TMEM132C: variants seen among roughly 807,000 people sequenced by gnomAD.
TMEM132C encodes protein phosphatase 1, regulatory subunit 152.
A neutral mutation model predicts 61.4 loss-of-function variants in TMEM132C; 29 were observed. That is an observed-to-expected ratio of 0.47 (90% CI 0.35 to 0.64). TMEM132C has a LOEUF of 0.64. Ranked by LOEUF, TMEM132C falls within the 30% of genes least tolerant of loss-of-function variation. The pLI, the probability that TMEM132C is intolerant of heterozygous loss-of-function variation, is 0.00. For synonymous variants in TMEM132C, 656 were observed against 633.1 expected, an observed-to-expected ratio of 1.04 and a Z score of -0.54; for missense variants, 1,408 against 1,476.9, an observed-to-expected ratio of 0.95 and a Z score of 0.76.
Position 128,705,708 on chromosome 12 carries a change from G to A in TMEM132C, c.2740G>A (p.Val914Met), listed in dbSNP as rs1358128061. 6.4e-7 allele frequency: 1 copy of A among 1,551,340 alleles called. No individual in the cohort carries two copies. The highest frequency in any genetic ancestry group is 8.7e-7 in the Non-Finnish European group (1 of 1,146,970). ...GAGTGGGCTGGAGGAAAACGACCTGGTGCAGACTCCGCGGGGCCTGAGTGA... is the reference window on the plus strand; with the variant it reads ...GAGTGGGCTGGAGGAAAACGACCTGATGCAGACTCCGCGGGGCCTGAGTGA... ...AGSGLEENDL[V>M]QTPRGLSDLE... The change falls in exon 9 of 9, where the codon GTG (valine) becomes ATG (methionine). Residue 914 changes from valine to methionine, a missense_variant. By Grantham distance (21) the Val-to-Met change is conservative. Transcript: ENST00000435159.
intron 1 of TMEM132C, among the ~76,000 whole-genome samples, chr12:128,360,297 A>G (rs904213739): frequency 6.6e-6 from 1 of 152,002 alleles, no homozygotes; most frequent in Non-Finnish European, 1.5e-5. Context: ...GATAACAGAG[A>G]GAGAACAATA....
At chr12:128,475,878 C>T (rs972453714) in intron 2 of TMEM132C, among the ~76,000 whole-genome samples, 1 of 152,124 alleles carries the variant, frequency 6.6e-6, no homozygotes, top group African/African-American at 2.4e-5. Flanking sequence ...CTGCCCAGGA[C>T]CCCACAGCTA....
intron 1 of TMEM132C, among the ~76,000 whole-genome samples, chr12:128,305,052 C>G (rs543019331): frequency 6.6e-6 from 1 of 152,150 alleles, no homozygotes; most frequent in Non-Finnish European, 1.5e-5. Context: ...GGGCTACTCT[C>G]ATCCCTTCTT....
chr12:128,652,861 G>T (rs907164313), intron 4 of TMEM132C, among the ~76,000 whole-genome samples: 1 of 152,184 alleles, frequency 6.6e-6, no homozygotes, highest in African/African-American at 2.4e-5. Flanking sequence ...AAGATAATTC[G>T]CCTTGGGGAA....
chr12:128,428,274 A>C (rs955933201), intron 2 of TMEM132C, among the ~76,000 whole-genome samples: 4 of 152,000 alleles, frequency 2.6e-5, no homozygotes, highest in Admixed American at 2.0e-4. Flanking sequence ...TTCAGGTACA[A>C]ATGCATCAGG....
chr12:128,544,790 G>A (rs1300825227), intron 3 of TMEM132C, among the ~76,000 whole-genome samples: 4 of 152,118 alleles, frequency 2.6e-5, no homozygotes, highest in Non-Finnish European at 5.9e-5. Flanking sequence ...CATCAAATAC[G>A]TACAGATTTT....
intron 1 of TMEM132C, among the ~76,000 whole-genome samples, chr12:128,295,350 T>A (rs539699992): frequency 1.3e-5 from 2 of 152,156 alleles, no homozygotes; most frequent in Non-Finnish European, 2.9e-5. Context: ...AAATAAATAT[T>A]TGGTATAGCT....
intron 1 of TMEM132C, among the ~76,000 whole-genome samples, chr12:128,372,230 T>C (rs1312268970): frequency 1.3e-5 from 2 of 152,244 alleles, no homozygotes; most frequent in Admixed American, 6.5e-5. Context: ...TAGCCATTGC[T>C]GAATCTTAGC....
At chr12:128,651,921 A>G (rs1439812381) in intron 4 of TMEM132C, among the ~76,000 whole-genome samples, 1 of 152,226 alleles carries the variant, frequency 6.6e-6, no homozygotes, top group African/African-American at 2.4e-5. Flanking sequence ...TCTGACTCAG[A>G]TGAAAACCAG....
At chr12:128,444,043 C>A (rs1382326291) in intron 2 of TMEM132C, among the ~76,000 whole-genome samples, 1 of 152,200 alleles carries the variant, frequency 6.6e-6, no homozygotes, top group Non-Finnish European at 1.5e-5. Context: ...CCTGCCTCAG[C>A]CTTGTAAGTA....
At chr12:128,597,868 A>G (rs6486703) in intron 3 of TMEM132C, among the ~76,000 whole-genome samples, 136,830 of 152,248 alleles carry the variant, frequency 0.9, 62,917 homozygotes, top group East Asian at 1. Context: ...GGGAGCAAAC[A>G]TGCAGAGAGT....
At chr12:128,408,599 G>A (rs986837611) in intron 1 of TMEM132C, among the ~76,000 whole-genome samples, 1 of 152,202 alleles carries the variant, frequency 6.6e-6, no homozygotes, top group Non-Finnish European at 1.5e-5. Context: ...AATAGTCCGT[G>A]TTTAAGGACA....
intron 2 of TMEM132C, among the ~76,000 whole-genome samples, chr12:128,440,165 G>T (rs553892100): frequency 6.6e-6 from 1 of 152,162 alleles, no homozygotes; most frequent in East Asian, 1.9e-4. Context: ...GGGGCTATCC[G>T]TGTTGGAGTC....
chr12:128,511,259 A>G (rs1311545505), intron 2 of TMEM132C, among the ~76,000 whole-genome samples: 1 of 152,186 alleles, frequency 6.6e-6, no homozygotes, highest in Non-Finnish European at 1.5e-5. Flanking sequence ...GCCAGCAGGT[A>G]TTTTCAGGCA....
chr12:128,291,186 C>T (rs967379451), intron 1 of TMEM132C, among the ~76,000 whole-genome samples: 2 of 152,214 alleles, frequency 1.3e-5, no homozygotes, highest in African/African-American at 2.4e-5. Context: ...CCAGAATTCC[C>T]CTGCAAGTAC....
intron 1 of TMEM132C, among the ~76,000 whole-genome samples, chr12:128,303,624 A>C (rs1871667770): frequency 6.6e-6 from 1 of 152,234 alleles, no homozygotes; most frequent in Non-Finnish European, 1.5e-5. Context: ...AGAAGTTTGC[A>C]CGTGGAACTG....
intron 1 of TMEM132C, among the ~76,000 whole-genome samples, chr12:128,368,874 C>T (rs762205624): frequency 7.2e-5 from 11 of 152,212 alleles, no homozygotes; most frequent in South Asian, 4.2e-4. Flanking sequence ...ACCAAAGGCA[C>T]GAAGAGAGGC....
At chr12:128,580,647 C>T (rs1324033224) in intron 3 of TMEM132C, among the ~76,000 whole-genome samples, 1 of 152,150 alleles carries the variant, frequency 6.6e-6, no homozygotes, top group African/African-American at 2.4e-5. Context: ...TCTGAATTCT[C>T]TTGCAAAGGA....
At position 128,457,575 on chromosome 12, in the gene TMEM132C, C is replaced by CA. The variant is rs61228190; in HGVS notation, c.974+41972dup. ...TGGGTGACAGAGCGAGACTCCATCT[C>CA]AAAAAAAAAAAAAAAAATTAGGCAG... On this transcript the variant is annotated intron_variant, in intron 2 of 8. Coordinates refer to ENST00000435159, the MANE Select transcript of TMEM132C (RefSeq NM_001136103.3). Among the ~76,000 whole-genome samples the CA allele has an allele frequency of 8.0e-3, 709 of 89,052 alleles. 6 individuals carry two copies. Among genetic ancestry groups the CA allele is most frequent in the East Asian group, 0.033 (103 of 3,136 alleles). The allele number at this position is 89,052 out of a possible 152,430, so 58.4% of individuals were successfully genotyped here. A position where few individuals can be genotyped will look rare whatever the true frequency, so the allele number is the denominator to read the frequency against.
Sources: allele counts gnomAD v4.1 joint callset (sites outside exome capture counted in the v4.1 genomes callset), GRCh38; gene constraint gnomAD v4.1.1; transcripts MANE v1.5; gene names NCBI Gene and HGNC (gene_info 2026-07-23, HGNC 2026-07-21).